Variants in BBS9 observed in about 807,000 individuals in gnomAD.
The protein encoded by BBS9 is Bardet-Biedl syndrome 9.
In BBS9, 89 loss-of-function variants were observed where a neutral mutation model predicts 117.7. The ratio of observed to expected loss-of-function variants is 0.76; its 90% CI spans 0.64 to 0.90. The LOEUF (loss-of-function observed/expected upper bound fraction) is 0.90, where lower values mean the gene tolerates loss of function less well. Among genes scored for constraint, BBS9 ranks in the 40% least tolerant of loss-of-function variants. The pLI is 0.00. For missense variants in BBS9, 982 were observed against 1,042.2 expected, an observed-to-expected ratio of 0.94 and a Z score of 0.80; for synonymous variants, 379 against 370.9, an observed-to-expected ratio of 1.02 and a Z score of -0.25.
At chr7:33,379,884 C>G (rs1216071873) in intron 17 of BBS9, 1 of 152,200 alleles carries the variant, frequency 6.6e-6, no homozygotes, top group Non-Finnish European at 1.5e-5. Context: ...TGTAAAGGAT[C>G]GTGTTCAACC....
chr7:33,294,339 ATCTATCTATCTATC>A lies in BBS9; in HGVS notation c.1016+20387_1016+20400del, dbSNP rs1275904863. Among the ~76,000 whole-genome samples, 733 of 119,234 alleles carry A rather than the reference ATCTATCTATCTATC, an allele frequency of 6.1e-3. 4 individuals are homozygous for A. In the East Asian group the frequency reaches 0.082, roughly 13 times the overall value. The allele number at this position is 119,234 out of a possible 152,430, so 78.2% of individuals were successfully genotyped here. On this transcript the variant is annotated intron_variant, in intron 9 of 22. Transcript: ENST00000242067. ...TATCTATCTATCTATCTATCTATCT[ATCTATCTATCTATC>A]TCTTTGTCCATCCATCCATCCATCC...
intron 19 of BBS9, among the ~76,000 whole-genome samples, chr7:33,395,270 T>G (rs1434494347): frequency 1.3e-5 from 2 of 152,180 alleles, no homozygotes; most frequent in East Asian, 3.8e-4. Context: ...CACTTATACC[T>G]AAGTTTAGCT....
intron 3 of BBS9, among the ~76,000 whole-genome samples, chr7:33,153,393 T>G (rs911559016): frequency 6.6e-6 from 1 of 152,224 alleles, no homozygotes; most frequent in South Asian, 2.1e-4. Context: ...GTTTGAACTT[T>G]GGGTAATATG....
intron 19 of BBS9, among the ~76,000 whole-genome samples, chr7:33,482,562 T>TAG (rs1396543654): frequency 6.6e-6 from 1 of 152,224 alleles, no homozygotes; most frequent in Non-Finnish European, 1.5e-5. Flanking sequence ...TAGTAAGTTG[T>TAG]AGAGCTTCTA....
chr7:33,370,442 C>G (rs1822642925), intron 17 of BBS9, among the ~76,000 whole-genome samples: 1 of 152,102 alleles, frequency 6.6e-6, no homozygotes. Context: ...TGCACTCCAA[C>G]CTGCGCAACA....
At chr7:33,547,573 G>A (rs576026753) in intron 21 of BBS9, among the ~76,000 whole-genome samples, 15 of 152,252 alleles carry the variant, frequency 9.9e-5, no homozygotes, top group African/African-American at 3.1e-4. Context: ...TAGCCACATA[G>A]GCTTTAGAGA....
At chr7:33,548,610 T>G (rs1031124356) in intron 21 of BBS9, among the ~76,000 whole-genome samples, 5 of 151,114 alleles carry the variant, frequency 3.3e-5, no homozygotes, top group African/African-American at 1.2e-4. Context: ...TGGTTTTTTG[T>G]TCTTGCGATA....
intron 19 of BBS9, among the ~76,000 whole-genome samples, chr7:33,408,517 C>G (rs1285914916): frequency 6.6e-6 from 1 of 152,202 alleles, no homozygotes; most frequent in Non-Finnish European, 1.5e-5. Context: ...CAGAAATCAC[C>G]TGTCTTCTGC....
At position 33,225,744 on chromosome 7, in the gene BBS9, T is replaced by G. The variant is rs1791139901; in HGVS notation, c.443-31492T>G. On this transcript the variant is annotated intron_variant, in intron 5 of 22. Transcript: ENST00000242067. ...GGGAAATGGCATTTGAAGATCACAGTGTGGGTGCTGGTGGTGTTCAGTACT... is the reference window on the plus strand; with the variant it reads ...GGGAAATGGCATTTGAAGATCACAGGGTGGGTGCTGGTGGTGTTCAGTACT... 2.0e-5 allele frequency among the ~76,000 whole-genome samples: 3 copies of G among 147,820 alleles called. No homozygotes were observed. In the Admixed American group the frequency reaches 2.1e-4, roughly 10 times the overall value.
chr7:33,612,400 A>T (rs1159804527), intron 21 of BBS9, among the ~76,000 whole-genome samples: 1 of 152,064 alleles, frequency 6.6e-6, no homozygotes, highest in Non-Finnish European at 1.5e-5. Context: ...ATAACAAATC[A>T]TAAAACACAT....
upstream of BBS9, chr7:33,129,422 G>A (rs985307880): frequency 3.5e-6 from 1 of 284,204 alleles, no homozygotes; most frequent in Non-Finnish European, 6.5e-6. Context: ...CTCGAGCCCC[G>A]CCCCAGTAGC....
intron 19 of BBS9, among the ~76,000 whole-genome samples, chr7:33,495,142 G>T (rs1042748125): frequency 6.6e-6 from 1 of 152,192 alleles, no homozygotes; most frequent in African/African-American, 2.4e-5. Flanking sequence ...TCACTCTATT[G>T]TGAAAATGTC....
rs139811417 is a variant in BBS9, at chr7:33,201,833, T to C, written c.442+24242T>C. On this transcript the variant is annotated intron_variant, in intron 5 of 22. Coordinates refer to ENST00000242067, the MANE Select transcript of BBS9 (RefSeq NM_198428.3). ...CTAGAAAATATTAGAGAAAAACTTG[T>C]CCCAGAGTCACTAGTCAGGTAAAAG... 2.1e-3 allele frequency among the ~76,000 whole-genome samples: 316 copies of C among 152,290 alleles called. 1 individual carries two copies. Among genetic ancestry groups the C allele is most frequent in the African/African-American group, 7.2e-3 (300 of 41,550 alleles).
chr7:33,389,312 A>AT (rs550345121), intron 19 of BBS9, among the ~76,000 whole-genome samples: 2 of 152,086 alleles, frequency 1.3e-5, no homozygotes, highest in Non-Finnish European at 2.9e-5. Flanking sequence ...GACAAATCAG[A>AT]TTTTTGTTTT....
chr7:33,426,928 A>C (rs1252260403), intron 19 of BBS9, among the ~76,000 whole-genome samples: 1 of 152,154 alleles, frequency 6.6e-6, no homozygotes, highest in Non-Finnish European at 1.5e-5. Context: ...ACCCTTAGAC[A>C]ACAGAGGTAG....
intron 19 of BBS9, among the ~76,000 whole-genome samples, chr7:33,451,808 T>C (rs1837914788): frequency 1.3e-5 from 2 of 152,214 alleles, no homozygotes; most frequent in African/African-American, 2.4e-5. Flanking sequence ...TTTTGTTTTC[T>C]GTTTTTGCAG....
intron 5 of BBS9, among the ~76,000 whole-genome samples, chr7:33,246,639 A>G (rs1173319324): frequency 3.3e-5 from 5 of 152,078 alleles, no homozygotes; most frequent in Non-Finnish European, 7.4e-5. Context: ...CGTTATACTC[A>G]TTCTTTAATA....
chr7:33,286,130 A>G (rs115998220), intron 9 of BBS9, among the ~76,000 whole-genome samples: 1,643 of 152,196 alleles, frequency 0.011, 28 homozygotes, highest in African/African-American at 0.038. Flanking sequence ...AAATGTTTCA[A>G]TGGTAGAATT....
intron 9 of BBS9, among the ~76,000 whole-genome samples, chr7:33,280,284 A>G (rs1801561443): frequency 6.6e-6 from 1 of 152,158 alleles, no homozygotes; most frequent in Non-Finnish European, 1.5e-5. Flanking sequence ...CCGGGTAGTC[A>G]GCATAGTACC....
Sources: allele counts gnomAD v4.1 joint callset (sites outside exome capture counted in the v4.1 genomes callset), GRCh38; gene constraint gnomAD v4.1.1; transcripts MANE v1.5; gene names NCBI Gene and HGNC (gene_info 2026-07-23, HGNC 2026-07-21).